The following ZFYVE28 variants were observed in gnomAD, a reference collection of about 807,000 sequenced individuals.
The protein encoded by ZFYVE28 is lateral signaling target protein 2 homolog.
A neutral mutation model predicts 82.1 loss-of-function variants in ZFYVE28; 40 were observed. That is an observed-to-expected ratio of 0.49 (90% CI 0.38 to 0.63). The LOEUF (loss-of-function observed/expected upper bound fraction) is 0.63. ZFYVE28 is among the 30% of genes least tolerant of loss of function. The pLI, the probability that ZFYVE28 is intolerant of heterozygous loss-of-function variation, is 0.00. For synonymous variants in ZFYVE28, 612 were observed against 546.1 expected (o/e 1.12, Z -1.68); for missense variants, 1,321 against 1,242.1 (o/e 1.06, Z -0.96).
At chr4:2,404,005 G>A (rs1404305419) in intron 1 of ZFYVE28, among the ~76,000 whole-genome samples, 1 of 149,104 alleles carries the variant, frequency 6.7e-6, no homozygotes, top group Admixed American at 6.7e-5. Flanking sequence ...TCACAATGGG[G>A]AAAGCAGTTG....
rs1486618842 is a variant in ZFYVE28 at position 2,320,325 on chromosome 4, C to A, written c.702-54G>T. 2 of 1,546,470 alleles carry A rather than the reference C, an allele frequency of 1.3e-6. No homozygotes were observed. Among genetic ancestry groups the A allele is most frequent in the Non-Finnish European group, 1.8e-6 (2 of 1,132,202 alleles). On this transcript the variant is annotated intron_variant, in intron 6 of 12. Transcript: ENST00000290974. The surrounding 1 kb of genome is among the most constrained non-coding windows in gnomAD (Gnocchi z 5.1). ...TCAGGCCCTGTGGCCCCCTGGGTGCCGCGGACGGCCCAACTTAACCACCTG... is the reference window on the plus strand; with the variant it reads ...TCAGGCCCTGTGGCCCCCTGGGTGCAGCGGACGGCCCAACTTAACCACCTG...
chr4:2,280,275 A>T (rs1273644184), intron 8 of ZFYVE28, among the ~76,000 whole-genome samples: 1 of 152,216 alleles, frequency 6.6e-6, no homozygotes, highest in African/African-American at 2.4e-5. Context: ...TGGGAGGCTG[A>T]GGCGGGAGGA....
Position 2,271,867 on chromosome 4 carries a change from G to T in ZFYVE28, c.2324-88C>A, listed in dbSNP as rs578160976. The T allele has an allele frequency of 6.3e-6, 8 of 1,262,358 alleles. No homozygotes were observed. The African/African-American group carries it at 1.2e-4, about 19-fold the overall frequency. The allele number at this position is 1,262,358 out of a possible 1,614,324, so 78.2% of individuals were successfully genotyped here. A position where few individuals can be genotyped will look rare whatever the true frequency, so the allele number is the denominator to read the frequency against. On this transcript the variant is annotated intron_variant, in intron 10 of 12. Transcript: ENST00000290974. ...CTGCACTTGCTGGGCACAGCTGGGG[G>T]CTTCCAGCAGTCGGTCAGCTCCCCA... is the stretch of plus-strand genomic sequence containing the variant.
chr4:2,387,522 A>C (rs890824671), intron 1 of ZFYVE28, among the ~76,000 whole-genome samples: 1 of 152,130 alleles, frequency 6.6e-6, no homozygotes, highest in African/African-American at 2.4e-5. Context: ...CGGACACGGG[A>C]TATGGGGCCA....
intron 1 of ZFYVE28, among the ~76,000 whole-genome samples, chr4:2,377,770 C>T (rs1270556756): frequency 6.6e-6 from 1 of 152,212 alleles, no homozygotes; most frequent in Admixed American, 6.5e-5. Context: ...CAATACATCT[C>T]AGTGTGGATT....
At chr4:2,327,368 T>C (rs971149369) in intron 6 of ZFYVE28, among the ~76,000 whole-genome samples, 1 of 148,874 alleles carries the variant, frequency 6.7e-6, no homozygotes, top group Non-Finnish European at 1.5e-5. Flanking sequence ...TGGATGCCTT[T>C]TCTTTCTTTC....
rs924592430 is a variant in ZFYVE28, at chr4:2,334,683, C to T, written c.701+1022G>A. On this transcript the variant is annotated intron_variant, in intron 6 of 12. Transcript: ENST00000290974. ...TCTCCACGGGCATCTCTCTCAAGGG[C>T]TCCCCATCCCCTACTCTGCCCAGTC... 4.6e-5 allele frequency among the ~76,000 whole-genome samples: 7 copies of T among 150,600 alleles called. No homozygotes were observed. The East Asian group carries it at 1.4e-3, about 30-fold the overall frequency.
intron 1 of ZFYVE28, among the ~76,000 whole-genome samples, chr4:2,400,149 G>A (rs887568429): frequency 9.2e-5 from 14 of 152,220 alleles, no homozygotes; most frequent in African/African-American, 3.1e-4. Flanking sequence ...TCTGCCTCGG[G>A]GAGCCACAGG....
chr4:2,330,739 G>A, intron 6 of ZFYVE28: 2 of 1,477,080 alleles, frequency 1.4e-6, no homozygotes, highest in Non-Finnish European at 1.8e-6. Flanking sequence ...ATGGAAAAGG[G>A]GACAGTGCGG....
intron 5 of ZFYVE28, among the ~76,000 whole-genome samples, chr4:2,336,860 T>G (rs1208828952): frequency 3.6e-5 from 3 of 84,370 alleles, no homozygotes; most frequent in African/African-American, 9.5e-5. Context: ...AGTGAGAAGG[T>G]GAGGAGGGAG....
At position 2,320,883 on chromosome 4, in the gene ZFYVE28, C is replaced by T. The variant is rs528732381; in HGVS notation, c.702-612G>A. Among the ~76,000 whole-genome samples, 11 of 152,264 alleles carry T rather than the reference C, an allele frequency of 7.2e-5. No homozygotes were observed. Among genetic ancestry groups the T allele is most frequent in the Non-Finnish European group, 1.0e-4 (7 of 68,016 alleles). On this transcript the variant is annotated intron_variant, in intron 6 of 12. Transcript: ENST00000290974. The surrounding 1 kb of genome is among the most constrained non-coding windows in gnomAD (Gnocchi z 5.1). ...GACTGGGGCCGCATGTGGCTGAGGC[C>T]GGCTTTCCTCACTGTCCCTCCCCCA...
intron 8 of ZFYVE28, among the ~76,000 whole-genome samples, chr4:2,274,811 G>A (rs777453097): frequency 2.7e-5 from 4 of 148,814 alleles, no homozygotes; most frequent in Non-Finnish European, 4.4e-5. Flanking sequence ...ATGTGACCAC[G>A]GAGGCTGAGA....
At chr4:2,356,919 TCCAGGCTGGAGTACACTCTGCTGC>T (rs1725418954) in intron 1 of ZFYVE28, among the ~76,000 whole-genome samples, 1 of 152,096 alleles carries the variant, frequency 6.6e-6, no homozygotes, top group African/African-American at 2.4e-5. Flanking sequence ...CACTCTGCTG[TCCAGGCTGGAGTACACTCTGCTGC>T]CCAGGCTGGT....
At chr4:2,353,334 A>G (rs985371031) in intron 2 of ZFYVE28, among the ~76,000 whole-genome samples, 1 of 152,198 alleles carries the variant, frequency 6.6e-6, no homozygotes, top group African/African-American at 2.4e-5. Flanking sequence ...CCCACCTCCC[A>G]TGGCCGCAAG....
At chr4:2,282,118 C>T (rs1187216197) in intron 8 of ZFYVE28, among the ~76,000 whole-genome samples, 4 of 152,202 alleles carry the variant, frequency 2.6e-5, no homozygotes, top group African/African-American at 9.7e-5. Flanking sequence ...AGTGGATCAA[C>T]GTCACTTCAG....
At chr4:2,382,891 A>G (rs537615195) in intron 1 of ZFYVE28, among the ~76,000 whole-genome samples, 1 of 152,000 alleles carries the variant, frequency 6.6e-6, no homozygotes, top group South Asian at 2.1e-4. Flanking sequence ...ACACGGCAGC[A>G]GCAGGAGAAA....
intron 2 of ZFYVE28, among the ~76,000 whole-genome samples, chr4:2,352,235 C>G (rs1724576386): frequency 6.6e-6 from 1 of 152,214 alleles, no homozygotes; most frequent in East Asian, 1.9e-4. Flanking sequence ...GGAGGAACAC[C>G]GGGGAGCACA....
rs573422099 is a variant in ZFYVE28, at chr4:2,402,520, T to C, written c.39+15765A>G. Among the ~76,000 whole-genome samples the C allele has an allele frequency of 9.9e-5, 15 of 152,262 alleles. No individual in the cohort carries two copies. In the East Asian group the frequency reaches 2.3e-3, roughly 24 times the overall value. ...AGAACATCCTCAAGCCAGGACTGCA[T>C]GTGAGGAAGACAGCGCCAGCATCAC... is the stretch of plus-strand genomic sequence containing the variant. On this transcript the variant is annotated intron_variant, in intron 1 of 12. Coordinates refer to ENST00000290974, the MANE Select transcript of ZFYVE28 (RefSeq NM_020972.3).
Position 2,304,272 on chromosome 4 carries a change from G to T in ZFYVE28, c.2051+17C>A. On this transcript the variant is annotated intron_variant, in intron 8 of 12. Coordinates refer to ENST00000290974, the MANE Select transcript of ZFYVE28 (RefSeq NM_020972.3). Reference sequence around the variant, plus strand: ...CAGAGAGGACAAACCCAGTCTCTGGGCCAGACTGGCTCTTACCTGGAGCCC... The same window carrying T: ...CAGAGAGGACAAACCCAGTCTCTGGTCCAGACTGGCTCTTACCTGGAGCCC... 1 of 1,545,258 alleles carries T rather than the reference G, an allele frequency of 6.5e-7. No homozygotes were observed. Among genetic ancestry groups the T allele is most frequent in the Non-Finnish European group, 8.7e-7 (1 of 1,155,334 alleles).
Sources: gnomAD v4.1 joint callset for allele counts (sites outside exome capture counted in the v4.1 genomes callset) on GRCh38, gnomAD v4.1.1 for gene constraint, Gnocchi (gnomAD v3.1) non-coding constraint, MANE v1.5 for transcripts, NCBI Gene and HGNC (gene_info 2026-07-23, HGNC 2026-07-21) for gene names.